Variants in NDFIP2 observed in about 807,000 individuals in gnomAD.
NDFIP2 encodes the protein NEDD4 family-interacting protein 2.
A neutral mutation model predicts 36.0 loss-of-function variants in NDFIP2; 19 were observed. The ratio of observed to expected loss-of-function variants is 0.53; its 90% CI spans 0.37 to 0.77. The LOEUF (loss-of-function observed/expected upper bound fraction) is 0.77. Ranked by LOEUF, NDFIP2 falls within the 30% of genes least tolerant of loss-of-function variation. NDFIP2 has a pLI of 0.00. For synonymous variants in NDFIP2, 181 were observed against 167.7 expected (o/e 1.08, Z -0.61); for missense variants, 446 against 435.8 (o/e 1.02, Z -0.21).
intron 1 of NDFIP2, among the ~76,000 whole-genome samples, chr13:79,489,134 T>C (rs1245486207): frequency 6.6e-6 from 1 of 152,194 alleles, no homozygotes; most frequent in Non-Finnish European, 1.5e-5. Flanking sequence ...TAAGATTCCA[T>C]GGGTTGAGTG....
At chr13:79,509,964 T>C (rs1430742121) in intron 1 of NDFIP2, among the ~76,000 whole-genome samples, 1 of 152,126 alleles carries the variant, frequency 6.6e-6, no homozygotes, top group African/African-American at 2.4e-5. Context: ...TAAGGGTGGG[T>C]CTGCCTCTCC....
intron 4 of NDFIP2, among the ~76,000 whole-genome samples, chr13:79,542,126 T>C (rs1265524072): frequency 6.6e-6 from 1 of 152,204 alleles, no homozygotes; most frequent in African/African-American, 2.4e-5. Flanking sequence ...TATGGATAAT[T>C]GACAGTCTAT....
intron 1 of NDFIP2, among the ~76,000 whole-genome samples, chr13:79,487,706 T>C (rs575540036): frequency 2.1e-4 from 32 of 152,322 alleles, no homozygotes; most frequent in Non-Finnish European, 3.8e-4. Flanking sequence ...AACATTCTGC[T>C]GCTGTCAATC....
At chr13:79,533,537 T>G in intron 3 of NDFIP2, 81 bp downstream of exon 3, 1 of 1,334,570 alleles carries the variant, frequency 7.5e-7, no homozygotes, top group South Asian at 1.6e-5. Context: ...AAAACAGTTC[T>G]TTGTGTGTAA....
intron 1 of NDFIP2, among the ~76,000 whole-genome samples, chr13:79,517,096 C>G (rs750849183): frequency 7.2e-5 from 11 of 152,198 alleles, no homozygotes; most frequent in Non-Finnish European, 1.3e-4. Context: ...GCTCTGTTGT[C>G]ATTTTTTTTT....
In NDFIP2 at chr13:79,552,496, A is replaced by C. The variant is rs1288786867; in HGVS notation, c.*3-20A>C. The C allele has an allele frequency of 6.6e-6, 1 of 151,872 alleles. No individual in the cohort carries two copies. The highest frequency in any genetic ancestry group is 1.5e-5 in the Non-Finnish European group (1 of 67,480). The allele number at this position is 151,872 out of a possible 1,614,324, so 9.4% of individuals were successfully genotyped here. ...AGACAACTTAATACATTTTAAGACT[A>C]ATTCCTTCTTTGTCTCCAGACTGCA... On this transcript the variant is annotated intron_variant, in intron 7 of 7. Coordinates refer to ENST00000218652, the MANE Select transcript of NDFIP2 (RefSeq NM_019080.3).
At chr13:79,544,380 G>C (rs749606219) in intron 5 of NDFIP2, among the ~76,000 whole-genome samples, 4 of 151,998 alleles carry the variant, frequency 2.6e-5, no homozygotes, top group African/African-American at 4.8e-5. Context: ...AACTTTTCTA[G>C]TCTCCAGATA....
At chr13:79,505,749 G>A (rs1179699100) in intron 1 of NDFIP2, among the ~76,000 whole-genome samples, 1 of 151,516 alleles carries the variant, frequency 6.6e-6, no homozygotes, top group Non-Finnish European at 1.5e-5. Flanking sequence ...ACTAGTTACA[G>A]CAAAAGGGCA....
Position 79,553,247 on chromosome 13 carries a change from A to G in NDFIP2, c.*734A>G, listed in dbSNP as rs1385896776. 6.6e-6 allele frequency: 1 copy of G among 151,350 alleles called. No individual in the cohort carries two copies. The highest frequency in any genetic ancestry group is 2.4e-5 in the African/African-American group (1 of 41,364). 9.4% of individuals were successfully genotyped at this position (151,350 alleles called of 1,614,324 possible). ...ATATATTTAGAAACGTGAGTGTTAAAGATAGAATTTGTTTTAGGACAAATT... is the reference window on the plus strand; with the variant it reads ...ATATATTTAGAAACGTGAGTGTTAAGGATAGAATTTGTTTTAGGACAAATT... On this transcript the variant is annotated 3_prime_UTR_variant, in exon 8 of 8. Coordinates refer to ENST00000218652, the MANE Select transcript of NDFIP2 (RefSeq NM_019080.3).
At chr13:79,490,343 T>G (rs1163300104) in intron 1 of NDFIP2, among the ~76,000 whole-genome samples, 2 of 152,172 alleles carry the variant, frequency 1.3e-5, no homozygotes. Flanking sequence ...CACAGGGTAT[T>G]AAACCCCAAT....
chr13:79,510,113 T>A (rs1874025851), intron 1 of NDFIP2, among the ~76,000 whole-genome samples: 1 of 152,158 alleles, frequency 6.6e-6, no homozygotes, highest in Non-Finnish European at 1.5e-5. Context: ...GCTTAGAATT[T>A]TATGTTTGGT....
chr13:79,500,000 G>T (rs766041550), intron 1 of NDFIP2, among the ~76,000 whole-genome samples: 1 of 151,812 alleles, frequency 6.6e-6, no homozygotes, highest in Non-Finnish European at 1.5e-5. Context: ...AAGACAATGT[G>T]GTGTTTGTGA....
chr13:79,535,958 AT>A (rs1365864153), intron 3 of NDFIP2, among the ~76,000 whole-genome samples: 2 of 152,228 alleles, frequency 1.3e-5, no homozygotes, highest in African/African-American at 4.8e-5. Context: ...ATTTGAGTAC[AT>A]TCAGTTGTAA....
At chr13:79,489,332 A>T (rs1043250185) in intron 1 of NDFIP2, among the ~76,000 whole-genome samples, 1 of 152,158 alleles carries the variant, frequency 6.6e-6, no homozygotes, top group Admixed American at 6.5e-5. Context: ...TGCCCTCTTG[A>T]TGTGACCTTG....
At chr13:79,523,805 G>A (rs1874685470) in intron 2 of NDFIP2, among the ~76,000 whole-genome samples, 1 of 152,194 alleles carries the variant, frequency 6.6e-6, no homozygotes, top group South Asian at 2.1e-4. Context: ...TATGTCAGAA[G>A]GGGGATTGTC....
intron 3 of NDFIP2, among the ~76,000 whole-genome samples, chr13:79,536,334 T>A (rs756615340): frequency 6.6e-6 from 1 of 152,232 alleles, no homozygotes; most frequent in Non-Finnish European, 1.5e-5. Flanking sequence ...AGGACAGAGA[T>A]CTTGCATTTA....
At chr13:79,532,028 G>A (rs967376185) in intron 2 of NDFIP2, among the ~76,000 whole-genome samples, 1 of 152,216 alleles carries the variant, frequency 6.6e-6, no homozygotes, top group Non-Finnish European at 1.5e-5. Context: ...AACACGTACA[G>A]TGTTTATCAA....
At chr13:79,528,778 A>G (rs569975203) in intron 2 of NDFIP2, among the ~76,000 whole-genome samples, 1 of 152,334 alleles carries the variant, frequency 6.6e-6, no homozygotes, top group East Asian at 1.9e-4. Context: ...GCAATAGGCT[A>G]TATACCATAT....
Position 79,481,618 on chromosome 13 carries a change from T to G in NDFIP2, c.321+94T>G, listed in dbSNP as rs562778159. On this transcript the variant is annotated intron_variant, in intron 1 of 7. Coordinates refer to ENST00000218652, the MANE Select transcript of NDFIP2 (RefSeq NM_019080.3). ...CAGGTTATTCCCGGAGGAAAAGCTG[T>G]GGCTTTTTTTTGTTGTGTTTTGTTT... 6.9e-5 allele frequency: 97 copies of G among 1,404,614 alleles called. No individual in the cohort carries two copies. The South Asian group carries it at 1.2e-3, about 18-fold the overall frequency. 87.0% of individuals were successfully genotyped at this position (1,404,614 alleles called of 1,614,324 possible). A position where few individuals can be genotyped will look rare whatever the true frequency, so the allele number is the denominator to read the frequency against.
Sources: gnomAD v4.1 joint callset for allele counts (sites outside exome capture counted in the v4.1 genomes callset) on GRCh38, gnomAD v4.1.1 for gene constraint, MANE v1.5 for transcripts, NCBI Gene and HGNC (gene_info 2026-07-23, HGNC 2026-07-21) for gene names.